Variants in PWWP3B observed in about 807,000 individuals in gnomAD.
The protein encoded by PWWP3B is PWWP domain containing 3B, also known as PWWP domain-containing DNA repair factor 3B.
A neutral mutation model predicts 15.7 loss-of-function variants in PWWP3B; 5 were observed. That is an observed-to-expected ratio of 0.32 (90% CI 0.17 to 0.67). The LOEUF (loss-of-function observed/expected upper bound fraction) is 0.67. PWWP3B is among the 30% of genes least tolerant of loss of function. The pLI, the probability that PWWP3B is intolerant of heterozygous loss-of-function variation, is 0.74. For missense variants in PWWP3B, 519 were observed against 493.1 expected, an observed-to-expected ratio of 1.05 and a Z score of -0.50; for synonymous variants, 203 against 179.8, an observed-to-expected ratio of 1.13 and a Z score of -1.03.
At chrX:106,186,113 G>A (rs1244908331) in intron 2 of PWWP3B, among the ~76,000 whole-genome samples, 1 of 111,584 alleles carries the variant, frequency 9.0e-6, no homozygotes, top group Non-Finnish European at 1.9e-5. Flanking sequence ...AGAGAGGTGA[G>A]AGGAAATTTG....
chrX:106,198,387 A>T (rs762379819), intron 2 of PWWP3B, among the ~76,000 whole-genome samples: 6 of 111,530 alleles, frequency 5.4e-5, no homozygotes, highest in Admixed American at 1.9e-4. Flanking sequence ...CACCCCTTAT[A>T]TAATCCCCAT....
intron 2 of PWWP3B, among the ~76,000 whole-genome samples, chrX:106,199,435 A>G (rs1488737878): frequency 8.9e-6 from 1 of 111,772 alleles, no homozygotes; most frequent in Non-Finnish European, 1.9e-5. Context: ...AGGCTTTGGT[A>G]AGATAGAAGT....
chrX:106,185,717 T>G (rs866037927), intron 2 of PWWP3B, among the ~76,000 whole-genome samples: 3 of 111,954 alleles, frequency 2.7e-5, no homozygotes, highest in African/African-American at 9.7e-5. Flanking sequence ...CTTACCCCTG[T>G]CCTATAAAGA....
intron 2 of PWWP3B, among the ~76,000 whole-genome samples, chrX:106,203,445 T>C: frequency 8.9e-6 from 1 of 111,791 alleles, no homozygotes; most frequent in Non-Finnish European, 1.9e-5. Flanking sequence ...CTACATCTGA[T>C]AGTGAGTGAA....
intron 3 of PWWP3B, among the ~76,000 whole-genome samples, chrX:106,204,591 G>C (rs1209416063): frequency 9.0e-6 from 1 of 111,475 alleles, no homozygotes; most frequent in African/African-American, 3.3e-5. Flanking sequence ...TTTTTGTTTG[G>C]GTCCAGGAGA....
intron 2 of PWWP3B, among the ~76,000 whole-genome samples, chrX:106,194,816 T>C (rs890501704): frequency 3.6e-5 from 4 of 112,072 alleles, no homozygotes; most frequent in Non-Finnish European, 5.6e-5. Context: ...CTCCAGACCC[T>C]GTTTGCCTGG....
intron 2 of PWWP3B, among the ~76,000 whole-genome samples, chrX:106,199,334 G>A (rs767347351): frequency 1.8e-5 from 2 of 111,949 alleles, no homozygotes; most frequent in Non-Finnish European, 3.8e-5. Flanking sequence ...GGGATTACAG[G>A]CGTGAGCCAC....
At chrX:106,187,733 T>A (rs898559953) in intron 2 of PWWP3B, among the ~76,000 whole-genome samples, 4 of 111,665 alleles carry the variant, frequency 3.6e-5, no homozygotes, top group African/African-American at 1.3e-4. Flanking sequence ...TTGGGGGTCA[T>A]TGAATATTTT....
chrX:106,169,744 C>T (rs1298776453), intron 1 of PWWP3B, among the ~76,000 whole-genome samples: 3 of 111,904 alleles, frequency 2.7e-5, no homozygotes, highest in Admixed American at 9.5e-5. Context: ...TTGAATACTA[C>T]GCAGCTGTAA....
intron 2 of PWWP3B, among the ~76,000 whole-genome samples, chrX:106,199,384 T>G (rs1923567932): frequency 8.9e-6 from 1 of 111,834 alleles, no homozygotes; most frequent in South Asian, 3.8e-4. Context: ...TAAGATCAAC[T>G]ATTTTGTTCT....
chrX:106,169,663 C>T (rs1421673827), intron 1 of PWWP3B, among the ~76,000 whole-genome samples: 1 of 111,532 alleles, frequency 9.0e-6, no homozygotes, highest in East Asian at 2.8e-4. Flanking sequence ...TCTTTATACT[C>T]CTGAGGAATA....
intron 2 of PWWP3B, among the ~76,000 whole-genome samples, chrX:106,197,637 G>T (rs1923459623): frequency 8.9e-6 from 1 of 112,498 alleles, no homozygotes; most frequent in Non-Finnish European, 1.9e-5. Flanking sequence ...GTGTGTACGT[G>T]TTGGGGTTCC....
chrX:106,195,597 T>C (rs1376392455), intron 2 of PWWP3B, among the ~76,000 whole-genome samples: 3 of 112,064 alleles, frequency 2.7e-5, no homozygotes, highest in African/African-American at 6.5e-5. Flanking sequence ...TTTCTTCATT[T>C]AATTACCTTT....
chrX:106,197,135 T>G (rs1184135225), intron 2 of PWWP3B, among the ~76,000 whole-genome samples: 2 of 111,943 alleles, frequency 1.8e-5, no homozygotes, highest in African/African-American at 6.5e-5. Context: ...CATCATTCTT[T>G]CCTCTCCCCA....
At position 106,206,059 on chromosome X, in the gene PWWP3B, G is replaced by C; in HGVS notation, c.627G>C (p.Lys209Asn). 2 of 1,210,350 alleles carry C rather than the reference G, an allele frequency of 1.7e-6. No individual in the cohort carries two copies. Among genetic ancestry groups the C allele is most frequent in the Non-Finnish European group, 2.2e-6 (2 of 894,733 alleles). ...LSEDNDEKEN[K>N]NKIDISAVMS... ...AAGATAATGATGAAAAAGAGAACAA[G>C]AATAAGATTGATATCTCAGCAGTTA... The change falls in exon 4 of 4, where the codon AAG (lysine) becomes AAC (asparagine). Residue 209 changes from lysine (K) to asparagine (N), a missense_variant. Coordinates refer to ENST00000357175, the MANE Select transcript of PWWP3B (RefSeq NM_001171020.2).
At chrX:106,195,088 T>C (rs1310595631) in intron 2 of PWWP3B, among the ~76,000 whole-genome samples, 1 of 111,932 alleles carries the variant, frequency 8.9e-6, no homozygotes, top group Non-Finnish European at 1.9e-5. Context: ...TGTCTCATTC[T>C]GGTTTTACTT....
rs1013298388 is a variant in PWWP3B at position 106,179,008 on chromosome X, G to C, written c.-401+7869G>C. 2.7e-5 allele frequency among the ~76,000 whole-genome samples: 3 copies of C among 111,712 alleles called. No individual in the cohort carries two copies. In the Admixed American group the frequency reaches 2.9e-4, roughly 11 times the overall value. Reference sequence around the variant, plus strand: ...TTGCTGGCAGGATGTAGTTCCCACCGTTCTCCCACAAGGATGTTGTAGTAA... The same window carrying C: ...TTGCTGGCAGGATGTAGTTCCCACCCTTCTCCCACAAGGATGTTGTAGTAA... On this transcript the variant is annotated intron_variant, in intron 2 of 3. Transcript: ENST00000357175.
chrX:106,182,768 T>C (rs1293996887), intron 2 of PWWP3B, among the ~76,000 whole-genome samples: 1 of 110,930 alleles, frequency 9.0e-6, no homozygotes, highest in Non-Finnish European at 1.9e-5. Flanking sequence ...GCAGGGAGTA[T>C]GTTTGCCATT....
chrX:106,194,532 C>T (rs1923242241), intron 2 of PWWP3B, among the ~76,000 whole-genome samples: 1 of 112,239 alleles, frequency 8.9e-6, no homozygotes, highest in Admixed American at 9.4e-5. Flanking sequence ...AAGCCTTCTT[C>T]TCTCAGCTTG....
Sources: allele counts gnomAD v4.1 joint callset (sites outside exome capture counted in the v4.1 genomes callset), GRCh38; gene constraint gnomAD v4.1.1; transcripts MANE v1.5; gene names NCBI Gene and HGNC (gene_info 2026-07-23, HGNC 2026-07-21).